The following FAM227B variants were observed in gnomAD, a reference collection of about 807,000 sequenced individuals.
FAM227B encodes protein FAM227B.
A neutral mutation model predicts 73.8 loss-of-function variants in FAM227B; 88 were observed. That is an observed-to-expected ratio of 1.19 (90% CI 1.00 to 1.42). The LOEUF is 1.42. Ranked by LOEUF, FAM227B falls within the 40% of genes most tolerant of loss-of-function variation. The probability of loss-of-function intolerance (pLI) is 0.00; values close to 1 mark genes in which losing one functional copy is unlikely to be tolerated. For synonymous variants in FAM227B, 210 were observed against 190.5 expected, an observed-to-expected ratio of 1.10 and a Z score of -0.84; for missense variants, 632 against 590.9, an observed-to-expected ratio of 1.07 and a Z score of -0.72.
At chr15:49,505,518 G>A (rs1428175433) in intron 11 of FAM227B, among the ~76,000 whole-genome samples, 3 of 151,994 alleles carry the variant, frequency 2.0e-5, no homozygotes, top group Non-Finnish European at 2.9e-5. Context: ...AAAAGACACG[G>A]GGGTGTATAT....
intron 11 of FAM227B, among the ~76,000 whole-genome samples, chr15:49,409,409 G>C (rs1306424115): frequency 6.6e-6 from 1 of 151,810 alleles, no homozygotes; most frequent in Non-Finnish European, 1.5e-5. Flanking sequence ...ACTTGTGAAA[G>C]TTACTTAAAT....
chr15:49,561,963 C>T (rs1225411594), intron 9 of FAM227B, among the ~76,000 whole-genome samples: 1 of 151,678 alleles, frequency 6.6e-6, no homozygotes, highest in Admixed American at 6.6e-5. Context: ...ACAATATAAC[C>T]CCAAAGCTAG....
chr15:49,380,691 T>A (rs12592508), intron 11 of FAM227B, among the ~76,000 whole-genome samples: 41,097 of 152,020 alleles, frequency 0.27, 6,547 homozygotes, highest in Non-Finnish European at 0.36. Flanking sequence ...CACTTCAAAG[T>A]CCTTTACTTT....
chr15:49,424,238 A>G, intron 11 of FAM227B: 1 of 1,467,926 alleles, frequency 6.8e-7, no homozygotes, highest in Non-Finnish European at 9.4e-7. Context: ...TAGGAGTAAC[A>G]ATCAACTCAA....
At chr15:49,438,903 AAG>A (rs915546190) in intron 11 of FAM227B, among the ~76,000 whole-genome samples, 2 of 151,272 alleles carry the variant, frequency 1.3e-5, no homozygotes, top group Non-Finnish European at 3.0e-5. Context: ...GAGAGAGAAA[AAG>A]AGAGAGAGAG....
chr15:49,474,869 C>T (rs111769824), intron 11 of FAM227B, among the ~76,000 whole-genome samples: 3,997 of 152,226 alleles, frequency 0.026, 189 homozygotes, highest in African/African-American at 0.092. Flanking sequence ...GGAACAGTTT[C>T]ATCCTGAACC....
rs182851073 is a variant in FAM227B, at chr15:49,455,577, T to C, written c.1012+52634A>G. ...TTCTGGGTAGGTCCATCGTCAGTTA[T>C]AAAAAAGTTTTTGGATTTAGATAAA... On this transcript the variant is annotated intron_variant, in intron 11 of 15. Coordinates refer to ENST00000299338, the MANE Select transcript of FAM227B (RefSeq NM_152647.3). Among the ~76,000 whole-genome samples the C allele has an allele frequency of 3.6e-4, 55 of 152,272 alleles. 1 individual carries two copies. In the South Asian group the frequency reaches 8.7e-3, roughly 24 times the overall value.
intron 11 of FAM227B, among the ~76,000 whole-genome samples, chr15:49,419,479 GA>G (rs1346319065): frequency 6.6e-6 from 1 of 151,980 alleles, no homozygotes; most frequent in South Asian, 2.1e-4. Context: ...ATGAAGAACA[GA>G]AAAAAATGGG....
intron 11 of FAM227B, among the ~76,000 whole-genome samples, chr15:49,393,128 T>C (rs1248995286): frequency 6.6e-6 from 1 of 152,232 alleles, no homozygotes; most frequent in Non-Finnish European, 1.5e-5. Context: ...ATCAAAGTGA[T>C]AACAAAATTT....
At chr15:49,495,557 T>C (rs2057526361) in intron 11 of FAM227B, among the ~76,000 whole-genome samples, 2 of 152,182 alleles carry the variant, frequency 1.3e-5, no homozygotes, top group Admixed American at 1.3e-4. Flanking sequence ...TCCTCACTCC[T>C]TAGCTGTGCA....
At chr15:49,429,095 G>A (rs1033670442) in intron 11 of FAM227B, among the ~76,000 whole-genome samples, 1 of 151,908 alleles carries the variant, frequency 6.6e-6, no homozygotes, top group African/African-American at 2.4e-5. Context: ...ACAGTTCTTA[G>A]CAAGTTATCT....
At position 49,366,767 on chromosome 15, in the gene FAM227B, C is replaced by G. The variant is rs997391197; in HGVS notation, c.1271+681G>C. The G allele has an allele frequency of 1.0e-5, 7 of 679,998 alleles. No individual in the cohort carries two copies. The African/African-American group carries it at 1.3e-4, about 13-fold the overall frequency. 42.1% of individuals were successfully genotyped at this position (679,998 alleles called of 1,614,324 possible). A position where few individuals can be genotyped will look rare whatever the true frequency, so the allele number is the denominator to read the frequency against. On this transcript the variant is annotated intron_variant, in intron 13 of 15. Coordinates refer to ENST00000299338, the MANE Select transcript of FAM227B (RefSeq NM_152647.3). ...GGGAGTCCCGCCACTGCGCTGCCTC[C>G]GTGGCGGGGGCGGCCGGGCTAGGCT... is the stretch of plus-strand genomic sequence containing the variant.
chr15:49,552,606 C>T (rs1183100017), intron 9 of FAM227B, among the ~76,000 whole-genome samples: 2 of 152,142 alleles, frequency 1.3e-5, no homozygotes, highest in South Asian at 2.1e-4. Context: ...TTAAGGCCAA[C>T]AACTCAGATT....
At position 49,508,221 on chromosome 15, in the gene FAM227B, A is replaced by G. The variant is rs151215796; in HGVS notation, c.1002T>C (p.His334=). The G allele has an allele frequency of 6.2e-7, 1 of 1,606,514 alleles. No homozygotes were observed. Among genetic ancestry groups the G allele is most frequent in the Non-Finnish European group, 8.5e-7 (1 of 1,177,388 alleles). ...AGAAACTTTACTTACTAGTTGATAT[A>G]TGTTCTTGACTGTCTGCAATTCTTT... ...VKERIADSQE[H]ISTSIDFNII... Residue 334 remains histidine, a synonymous_variant, in exon 11 of 16, where the codon CAT becomes CAC. Transcript: ENST00000299338.
At chr15:49,534,146 A>G (rs923441852) in intron 10 of FAM227B, among the ~76,000 whole-genome samples, 1 of 151,850 alleles carries the variant, frequency 6.6e-6, no homozygotes, top group African/African-American at 2.4e-5. Context: ...ATTTCCCATG[A>G]GAACCATTTC....
Position 49,493,485 on chromosome 15 carries a change from A to G in FAM227B, c.1012+14726T>C, listed in dbSNP as rs562230781. Among the ~76,000 whole-genome samples, 5 of 152,028 alleles carry G rather than the reference A, an allele frequency of 3.3e-5. No individual in the cohort carries two copies. In the South Asian group the frequency reaches 6.2e-4, roughly 19 times the overall value. ...TGTCTCTATCATCCAGAATGTCTCA[A>G]CTTCTCACTATCAATCCATACCCTG... On this transcript the variant is annotated intron_variant, in intron 11 of 15. Coordinates refer to ENST00000299338, the MANE Select transcript of FAM227B (RefSeq NM_152647.3).
chr15:49,586,946 T>A (rs769342862), intron 5 of FAM227B, among the ~76,000 whole-genome samples: 2 of 152,070 alleles, frequency 1.3e-5, no homozygotes. Context: ...ATAAATTAGT[T>A]CAGCCACTGT....
chr15:49,561,003 C>A (rs1475032508), intron 9 of FAM227B, among the ~76,000 whole-genome samples: 1 of 152,028 alleles, frequency 6.6e-6, no homozygotes. Context: ...AAGAACTTTA[C>A]AATAGAATCA....
At position 49,523,845 on chromosome 15, in the gene FAM227B, T is replaced by C. The variant is rs146941202; in HGVS notation, c.875-15497A>G. 5.7e-3 allele frequency among the ~76,000 whole-genome samples: 874 copies of C among 152,296 alleles called. 11 individuals are homozygous for C. The highest frequency in any genetic ancestry group is 0.02 in the African/African-American group (839 of 41,554). ...TGGAGCAAAGGTGACTCTTGTTATA[T>C]TTTAGCAAAGAGACTGGTGGCATTT... On this transcript the variant is annotated intron_variant, in intron 10 of 15. Coordinates refer to ENST00000299338, the MANE Select transcript of FAM227B (RefSeq NM_152647.3).
Sources: allele counts gnomAD v4.1 joint callset (sites outside exome capture counted in the v4.1 genomes callset), GRCh38; gene constraint gnomAD v4.1.1; transcripts MANE v1.5; gene names NCBI Gene and HGNC (gene_info 2026-07-23, HGNC 2026-07-21).